The following ARNT variants were observed in gnomAD, a reference collection of about 807,000 sequenced individuals.
ARNT encodes the protein class E basic helix-loop-helix protein 2.
A neutral mutation model predicts 105.0 loss-of-function variants in ARNT; 30 were observed. That is an observed-to-expected ratio of 0.29 (90% CI 0.21 to 0.39). The LOEUF is 0.39. Among genes scored for constraint, ARNT ranks in the 10% least tolerant of loss-of-function variants. ARNT has a pLI of 1.00. For missense variants in ARNT, 748 were observed against 978.7 expected (o/e 0.76, Z 3.15); for synonymous variants, 304 against 344.0 (o/e 0.88, Z 1.29).
At chr1:150,833,207 C>G (rs1445611072) in intron 8 of ARNT, among the ~76,000 whole-genome samples, 1 of 152,176 alleles carries the variant, frequency 6.6e-6, no homozygotes, top group Non-Finnish European at 1.5e-5. Context: ...GGTCTAGAAG[C>G]TACTCTAAAT....
rs923055386 is a variant in ARNT at position 150,846,636 on chromosome 1, T to C, written c.183-329A>G. Among the ~76,000 whole-genome samples, 6 of 152,118 alleles carry C rather than the reference T, an allele frequency of 3.9e-5. No homozygotes were observed. In the South Asian group the frequency reaches 1.0e-3, roughly 26 times the overall value. On this transcript the variant is annotated intron_variant, in intron 3 of 21. Transcript: ENST00000358595. The stretch of plus-strand genomic sequence containing the variant: ...TTTTTTAATTCTGGTAAAAAACACA[T>C]AAAATTTACTGTATACCATTTTTAA...
At chr1:150,822,479 C>T (rs1481937891) in intron 14 of ARNT, among the ~76,000 whole-genome samples, 1 of 152,032 alleles carries the variant, frequency 6.6e-6, no homozygotes, top group Non-Finnish European at 1.5e-5. Flanking sequence ...ATGAAATTTC[C>T]ATTAAAACCC....
At chr1:150,842,292 A>T (rs1311902630) in intron 5 of ARNT, 132 bp downstream of exon 5, 1 of 1,367,180 alleles carries the variant, frequency 7.3e-7, no homozygotes, top group Non-Finnish European at 9.6e-7. Flanking sequence ...CAAACTTCTA[A>T]AAAATCTTGT....
chr1:150,842,113 G>A (rs1422232614), intron 5 of ARNT: 1 of 209,064 alleles, frequency 4.8e-6, no homozygotes, highest in African/African-American at 2.4e-5. Context: ...AGCACCAACT[G>A]GCACGGTTGC....
intron 2 of ARNT, 84 bp from the exon 3 acceptor site, chr1:150,852,890 G>A (rs779828867): frequency 7.7e-5 from 116 of 1,503,976 alleles, no homozygotes; most frequent in Middle Eastern, 6.8e-4. Flanking sequence ...ACAAGCTACC[G>A]GAACACCCAC....
intron 1 of ARNT, among the ~76,000 whole-genome samples, chr1:150,864,642 T>G (rs1666223294): frequency 7.1e-6 from 1 of 141,836 alleles, no homozygotes; most frequent in Non-Finnish European, 1.5e-5. Context: ...GGGATAGCAT[T>G]GGGAGATATA....
At chr1:150,875,784 A>G (rs587606481) in intron 1 of ARNT, among the ~76,000 whole-genome samples, 1 of 152,318 alleles carries the variant, frequency 6.6e-6, no homozygotes, top group South Asian at 2.1e-4. Context: ...AAATTGAGAA[A>G]TGGTGTGGAA....
chr1:150,864,883 C>CAAAA (rs587599690), intron 1 of ARNT, among the ~76,000 whole-genome samples: 8 of 75,698 alleles, frequency 1.1e-4, no homozygotes, highest in African/African-American at 3.2e-4. Context: ...TTCTTTAAAT[C>CAAAA]AAAAAAAAAA....
At chr1:150,823,441 G>A (rs1021009857) in intron 13 of ARNT, 96 bp from the exon 14 acceptor site, 1 of 1,235,516 alleles carries the variant, frequency 8.1e-7, no homozygotes. Context: ...TAAAACTCTT[G>A]TCATTGTCCT....
rs773382299 is a variant in ARNT, at chr1:150,831,831, G to A, written c.942C>T (p.Ala314=). 119 of 1,606,776 alleles carry A rather than the reference G, an allele frequency of 7.4e-5. 3 individuals are homozygous for A. The Admixed American group carries it at 2.0e-3, about 27-fold the overall frequency. The part of the protein sequence containing the change: ...VVVHCTGYIK[A]WPPAGVSLPD... ...TCACTTTCTTACCTGCTGGGGGCCAGGCCTTGATGTAGCCTGTGCAGTGGA... is the reference window on the plus strand; with the variant it reads ...TCACTTTCTTACCTGCTGGGGGCCAAGCCTTGATGTAGCCTGTGCAGTGGA... The change falls in exon 10 of 22, where the codon GCC becomes GCT. Residue 314 remains alanine (A), a synonymous_variant. Coordinates refer to ENST00000358595, the MANE Select transcript of ARNT (RefSeq NM_001668.4).
At chr1:150,857,924 G>A (rs1359384773) in intron 2 of ARNT, among the ~76,000 whole-genome samples, 1 of 152,150 alleles carries the variant, frequency 6.6e-6, no homozygotes, top group Non-Finnish European at 1.5e-5. Flanking sequence ...GAGCTGAATG[G>A]ACTCTGCATT....
intron 14 of ARNT, among the ~76,000 whole-genome samples, chr1:150,821,917 TCAACTTGGTATCC>T (rs1176852626): frequency 1.3e-5 from 2 of 149,338 alleles, no homozygotes; most frequent in Non-Finnish European, 3.0e-5. Flanking sequence ...AGTGATCTGC[TCAACTTGGTATCC>T]CAACTTGGTA....
Position 150,812,044 on chromosome 1 carries a change from T to C in ARNT, c.2347A>G (p.Met783Val), listed in dbSNP as rs1475913679. The C allele has an allele frequency of 2.5e-6, 4 of 1,569,502 alleles. No individual in the cohort carries two copies. The African/African-American group carries it at 4.1e-5, about 16-fold the overall frequency. The change falls in exon 22 of 22, where the codon ATG (methionine) becomes GTG (valine). Residue 783 changes from methionine to valine, a missense_variant. Met to Val is a conservative substitution (Grantham distance 21). This residue lies in a region of ARNT where 360 missense variants were observed against 411.9 expected (regional missense o/e 0.87). Transcript: ENST00000358595. ...TTCTATTCTGAAAAGGGGGGAAACA[T>C]AGTTAGATCAGGGAATTCTTCATTG... ...YNNEEFPDLT[M>V]FPPFSE
intron 11 of ARNT, 100 bp downstream of exon 11, chr1:150,829,804 C>T: frequency 7.8e-7 from 1 of 1,286,678 alleles, no homozygotes. Flanking sequence ...TTATGGAATT[C>T]TTCATTTGTA....
intron 1 of ARNT, chr1:150,861,318 A>T (rs1039822994): frequency 4.9e-6 from 2 of 408,662 alleles, no homozygotes; most frequent in African/African-American, 4.3e-5. Context: ...AAACACAGCA[A>T]GACAACATCG....
intron 13 of ARNT, among the ~76,000 whole-genome samples, chr1:150,824,177 T>A (rs1297670668): frequency 1.3e-5 from 2 of 151,478 alleles, no homozygotes; most frequent in Non-Finnish European, 2.9e-5. Context: ...GGTGCAAAAG[T>A]AATTGCATTT....
At chr1:150,870,423 C>T (rs1667246435) in intron 1 of ARNT, among the ~76,000 whole-genome samples, 2 of 152,170 alleles carry the variant, frequency 1.3e-5, no homozygotes, top group Non-Finnish European at 2.9e-5. Flanking sequence ...TAGGCACCCA[C>T]TGTAAGCACT....
chr1:150,835,138 C>CAA (rs11459475), intron 7 of ARNT, among the ~76,000 whole-genome samples: 10,573 of 133,912 alleles, frequency 0.079, 497 homozygotes, highest in Middle Eastern at 0.11. Context: ...GACCTTGTCT[C>CAA]AAAAAAAAAA....
chr1:150,874,580 G>A (rs1557982787), intron 1 of ARNT, among the ~76,000 whole-genome samples: 1 of 152,004 alleles, frequency 6.6e-6, no homozygotes, highest in African/African-American at 2.4e-5. Flanking sequence ...CCAGCTATTC[G>A]GGAGGCTGAT....
Sources: allele counts gnomAD v4.1 joint callset (sites outside exome capture counted in the v4.1 genomes callset), GRCh38; gene constraint gnomAD v4.1.1; regional missense constraint gnomAD v4.1.1; transcripts MANE v1.5; gene names NCBI Gene and HGNC (gene_info 2026-07-23, HGNC 2026-07-21).